FOXP1: variants seen among roughly 807,000 people sequenced by gnomAD.
FOXP1 encodes the protein forkhead box protein P1.
In FOXP1, 15 loss-of-function variants were observed where a neutral mutation model predicts 98.2. The ratio of observed to expected loss-of-function variants is 0.15; its 90% CI spans 0.10 to 0.24. FOXP1 has a LOEUF of 0.24. FOXP1 is among the 10% of genes least tolerant of loss of function. FOXP1 has a pLI of 1.00. For missense variants in FOXP1, 633 were observed against 848.5 expected, an observed-to-expected ratio of 0.75 and a Z score of 3.15; for synonymous variants, 371 against 314.5, an observed-to-expected ratio of 1.18 and a Z score of -1.90.
chr3:71,012,354 C>T (rs977961324), intron 12 of FOXP1, among the ~76,000 whole-genome samples: 4 of 152,080 alleles, frequency 2.6e-5, no homozygotes, highest in African/African-American at 4.8e-5. Flanking sequence ...AACTAAGATT[C>T]TATAGTGAGT....
At chr3:71,380,933 A>G (rs2080110390) in intron 3 of FOXP1, among the ~76,000 whole-genome samples, 1 of 152,128 alleles carries the variant, frequency 6.6e-6, no homozygotes, top group Non-Finnish European at 1.5e-5. Context: ...TGTTTTTAAA[A>G]CATGCTAGTA....
chr3:71,454,531 G>A (rs1295689995), intron 3 of FOXP1, among the ~76,000 whole-genome samples: 1 of 152,026 alleles, frequency 6.6e-6, no homozygotes, highest in Non-Finnish European at 1.5e-5. Context: ...TCCAAGTGTG[G>A]CCTCGACCAG....
intron 5 of FOXP1, among the ~76,000 whole-genome samples, chr3:71,259,204 G>T (rs1476639502): frequency 6.6e-6 from 1 of 152,162 alleles, no homozygotes; most frequent in Non-Finnish European, 1.5e-5. Context: ...GCATGAGTGG[G>T]CACGGCAACC....
intron 3 of FOXP1, among the ~76,000 whole-genome samples, chr3:71,482,876 G>A (rs1404117296): frequency 1.3e-5 from 2 of 151,034 alleles, no homozygotes; most frequent in African/African-American, 4.9e-5. Flanking sequence ...TGTCACCCAG[G>A]CTTGATGCAG....
rs982402769 is a variant in FOXP1, at chr3:70,956,762, T to A, written c.*2485A>T. 6 of 190,318 alleles carry A rather than the reference T, an allele frequency of 3.2e-5. No homozygotes were observed. In the Admixed American group the frequency reaches 4.2e-4, roughly 13 times the overall value. 11.8% of individuals were successfully genotyped at this position (190,318 alleles called of 1,614,324 possible). ...TTTTTTTTTTTTTTTTTTTTTTTTT[T>A]TTTTTTTTTTTAAAGTCTTGCGTGA... On this transcript the variant is annotated 3_prime_UTR_variant, in exon 21 of 21. Coordinates refer to ENST00000649528, the MANE Select transcript of FOXP1 (RefSeq NM_001349338.3).
chr3:71,274,101 T>C (rs1241910141), intron 5 of FOXP1, among the ~76,000 whole-genome samples: 1 of 152,184 alleles, frequency 6.6e-6, no homozygotes, highest in East Asian at 1.9e-4. Flanking sequence ...TTGGGTCGAA[T>C]ATTTCACATC....
At chr3:71,406,405 G>GTATATATATA (rs60423991) in intron 3 of FOXP1, among the ~76,000 whole-genome samples, 94 of 105,908 alleles carry the variant, frequency 8.9e-4, no homozygotes, top group African/African-American at 1.4e-3. Flanking sequence ...AACTGTATGT[G>GTATATATATA]TATATATATA....
intron 3 of FOXP1, among the ~76,000 whole-genome samples, chr3:71,419,286 A>G (rs1303095842): frequency 2.6e-5 from 4 of 151,506 alleles, no homozygotes; most frequent in Non-Finnish European, 5.9e-5. Context: ...GAGGGAAGGA[A>G]AAAGAAAACA....
chr3:71,033,686 C>T (rs753499285), intron 11 of FOXP1, among the ~76,000 whole-genome samples: 1 of 151,964 alleles, frequency 6.6e-6, no homozygotes, highest in African/African-American at 2.4e-5. Context: ...CTCCCGGTGC[C>T]CTCCCTGCAT....
At chr3:71,559,426 A>G (rs2107721549) in intron 2 of FOXP1, among the ~76,000 whole-genome samples, 1 of 152,288 alleles carries the variant, frequency 6.6e-6, no homozygotes, top group South Asian at 2.1e-4. Context: ...ACCCATTCTC[A>G]GTTCCTGCAG....
At chr3:71,208,232 C>T (rs958835358) in intron 5 of FOXP1, among the ~76,000 whole-genome samples, 1 of 152,164 alleles carries the variant, frequency 6.6e-6, no homozygotes, top group African/African-American at 2.4e-5. Context: ...GTTCATAGTA[C>T]TAGACTTTTT....
At chr3:71,323,791 G>A (rs1202274819) in intron 4 of FOXP1, among the ~76,000 whole-genome samples, 1 of 152,180 alleles carries the variant, frequency 6.6e-6, no homozygotes, top group Non-Finnish European at 1.5e-5. Flanking sequence ...GCAAAGACAT[G>A]CACTTTAAAC....
chr3:71,151,897 T>C (rs925264737), intron 6 of FOXP1, among the ~76,000 whole-genome samples: 1 of 152,158 alleles, frequency 6.6e-6, no homozygotes, highest in Non-Finnish European at 1.5e-5. Flanking sequence ...GTGACTAAGA[T>C]GGCCCCTAAT....
chr3:71,483,412 G>A (rs148263532), intron 3 of FOXP1, among the ~76,000 whole-genome samples: 60 of 152,248 alleles, frequency 3.9e-4, no homozygotes, highest in East Asian at 1.9e-4. Context: ...ACAAAGGGCC[G>A]GTCCTCGCCA....
At chr3:71,272,724 C>G (rs11128211) in intron 5 of FOXP1, among the ~76,000 whole-genome samples, 45,046 of 152,028 alleles carry the variant, frequency 0.3, 6,660 homozygotes, top group Admixed American at 0.34. Context: ...ATATTGTCCA[C>G]TGTTCCTAAC....
chr3:71,452,534 G>C (rs1375361347), intron 3 of FOXP1, among the ~76,000 whole-genome samples: 1 of 152,146 alleles, frequency 6.6e-6, no homozygotes, highest in East Asian at 1.9e-4. Flanking sequence ...TGGGATAAAT[G>C]ATGAGATTCA....
At chr3:71,069,777 T>C (rs2052994182) in intron 7 of FOXP1, among the ~76,000 whole-genome samples, 1 of 152,206 alleles carries the variant, frequency 6.6e-6, no homozygotes, top group Non-Finnish European at 1.5e-5. Flanking sequence ...AAGACGGCTC[T>C]TGGGGAATGA....
Position 71,274,473 on chromosome 3 carries a change from A to G in FOXP1, c.-12+25347T>C, listed in dbSNP as rs180822554. ...ACCACCAGGAAAGGGGTCCTATTAG[A>G]AATGGGGTAAATTCAGAAGAGAGCA... On this transcript the variant is annotated intron_variant, in intron 5 of 20. Coordinates refer to ENST00000649528, the MANE Select transcript of FOXP1 (RefSeq NM_001349338.3). Among the ~76,000 whole-genome samples the G allele has an allele frequency of 4.6e-5, 7 of 152,206 alleles. 1 individual carries two copies. The highest frequency in any genetic ancestry group is 1.7e-4 in the African/African-American group (7 of 41,538).
intron 6 of FOXP1, among the ~76,000 whole-genome samples, chr3:71,168,318 A>G (rs915920217): frequency 3.3e-5 from 5 of 152,162 alleles, no homozygotes; most frequent in African/African-American, 1.2e-4. Context: ...AAAACAAAAC[A>G]AAGTCAGCTA....
Sources: gnomAD v4.1 joint callset for allele counts (sites outside exome capture counted in the v4.1 genomes callset) on GRCh38, gnomAD v4.1.1 for gene constraint, MANE v1.5 for transcripts, NCBI Gene and HGNC (gene_info 2026-07-23, HGNC 2026-07-21) for gene names.